Variants in OSMR observed in about 807,000 individuals in gnomAD.
The protein encoded by OSMR is oncostatin M receptor, also known as oncostatin-M-specific receptor subunit beta.
OSMR carries 81 observed loss-of-function variants against 99.9 expected under a neutral mutation model. The observed-to-expected ratio is 0.81, with a 90% CI of 0.68 to 0.97. The LOEUF (loss-of-function observed/expected upper bound fraction) is 0.97. OSMR is among the 50% of genes least tolerant of loss of function. The pLI is 0.00. For synonymous variants in OSMR, 406 were observed against 410.4 expected, an observed-to-expected ratio of 0.99 and a Z score of 0.13; for missense variants, 1,099 against 1,153.4, an observed-to-expected ratio of 0.95 and a Z score of 0.68.
At chr5:38,904,842 A>T (rs1165030762) in intron 9 of OSMR, among the ~76,000 whole-genome samples, 1 of 152,204 alleles carries the variant, frequency 6.6e-6, no homozygotes, top group Admixed American at 6.5e-5. Context: ...AGTGTTAATG[A>T]CAAGGAAAGC....
At chr5:38,861,484 A>G (rs534409142) in intron 1 of OSMR, among the ~76,000 whole-genome samples, 4 of 152,214 alleles carry the variant, frequency 2.6e-5, no homozygotes, top group Non-Finnish European at 5.9e-5. Context: ...TTTTCTTAGT[A>G]CAGAACAAAA....
intron 1 of OSMR, among the ~76,000 whole-genome samples, chr5:38,853,093 A>G (rs1740555995): frequency 6.6e-6 from 1 of 152,192 alleles, no homozygotes; most frequent in Non-Finnish European, 1.5e-5. Context: ...AGCTATCTTT[A>G]TCATTCTTCA....
intron 9 of OSMR, among the ~76,000 whole-genome samples, chr5:38,913,607 G>A (rs1037744254): frequency 1.3e-5 from 2 of 150,476 alleles, no homozygotes; most frequent in Non-Finnish European, 3.0e-5. Flanking sequence ...AGACATACAA[G>A]CAGCCAAAAA....
At chr5:38,869,972 C>T (rs902347523) in intron 2 of OSMR, among the ~76,000 whole-genome samples, 2 of 151,968 alleles carry the variant, frequency 1.3e-5, no homozygotes, top group Admixed American at 6.6e-5. Flanking sequence ...TGAAAATGAT[C>T]TTTGCGGGGA....
intron 1 of OSMR, among the ~76,000 whole-genome samples, chr5:38,847,197 A>G (rs774899277): frequency 9.9e-5 from 15 of 152,238 alleles, no homozygotes; most frequent in Non-Finnish European, 2.1e-4. Flanking sequence ...TTTATTCCCA[A>G]GATTAAAACT....
At chr5:38,875,798 T>C (rs535161084) in intron 2 of OSMR, among the ~76,000 whole-genome samples, 34 of 152,328 alleles carry the variant, frequency 2.2e-4, no homozygotes, top group African/African-American at 7.2e-4. Flanking sequence ...TTTACCAAAC[T>C]ATAAAATATT....
chr5:38,850,551 A>G lies in OSMR; in HGVS notation c.-14+4164A>G, dbSNP rs149260060. 6.3e-3 allele frequency among the ~76,000 whole-genome samples: 959 copies of G among 152,362 alleles called. 11 individuals are homozygous for G. Among genetic ancestry groups the G allele is most frequent in the African/African-American group, 0.022 (896 of 41,588 alleles). On this transcript the variant is annotated intron_variant, in intron 1 of 17. Coordinates refer to ENST00000274276, the MANE Select transcript of OSMR (RefSeq NM_003999.3). Reference sequence around the variant, plus strand: ...GTTGACTTAAGATGAAGACAGTCATATAAAATATATGCAGCCTGAATATGA... The same window carrying G: ...GTTGACTTAAGATGAAGACAGTCATGTAAAATATATGCAGCCTGAATATGA...
At chr5:38,917,726 C>T (rs538745754) in intron 10 of OSMR, 104 bp downstream of exon 10, 14 of 858,764 alleles carry the variant, frequency 1.6e-5, no homozygotes, top group Non-Finnish European at 2.5e-5. Context: ...AGTGTCCCAA[C>T]TGGGAGGGAT....
At chr5:38,910,846 T>TA (rs1217875178) in intron 9 of OSMR, among the ~76,000 whole-genome samples, 2 of 151,784 alleles carry the variant, frequency 1.3e-5, no homozygotes, top group African/African-American at 2.4e-5. Context: ...CCATCTCTAC[T>TA]AAAAAATACA....
chr5:38,923,874 C>T (rs1746349425), intron 13 of OSMR, among the ~76,000 whole-genome samples: 1 of 152,254 alleles, frequency 6.6e-6, no homozygotes, highest in South Asian at 2.1e-4. Flanking sequence ...TGTGCATAAG[C>T]GTGTGTGGGA....
At chr5:38,868,882 G>T in intron 1 of OSMR, 150 bp from the exon 2 acceptor site, 2 of 845,680 alleles carry the variant, frequency 2.4e-6, no homozygotes, top group Non-Finnish European at 3.6e-6. Context: ...ATTTTGGGGG[G>T]ACTCTAAAGT....
downstream of OSMR, chr5:38,938,488 T>G: frequency 4.3e-6 from 1 of 232,374 alleles, no homozygotes; most frequent in East Asian, 6.1e-5. Flanking sequence ...TGGCATAAAT[T>G]ATATTTTTGA....
chr5:38,867,347 C>A (rs1455477735), intron 1 of OSMR, among the ~76,000 whole-genome samples: 1 of 152,224 alleles, frequency 6.6e-6, no homozygotes, highest in Non-Finnish European at 1.5e-5. Flanking sequence ...GTTGTTCCCA[C>A]TTTTCTGTAA....
In OSMR at chr5:38,923,136, C is replaced by T. The variant is rs745427345; in HGVS notation, c.1766-14C>T. 6.2e-7 allele frequency: 1 copy of T among 1,611,910 alleles called. No homozygotes were observed. The highest frequency in any genetic ancestry group is 8.5e-7 in the Non-Finnish European group (1 of 1,178,294). ...CATTCTGTTATTAAAAATCTGTTGACTTTTTTTCCCTAGATGCTTTTAGGC... is the reference window on the plus strand; with the variant it reads ...CATTCTGTTATTAAAAATCTGTTGATTTTTTTTCCCTAGATGCTTTTAGGC... On this transcript the variant is annotated splice_polypyrimidine_tract_variant and intron_variant, in intron 12 of 17. Transcript: ENST00000274276.
chr5:38,883,575 G>A (rs1743468192), intron 4 of OSMR: 1 of 353,734 alleles, frequency 2.8e-6, no homozygotes, highest in South Asian at 1.1e-4. Context: ...AATTATCAGA[G>A]TGGTAATAGT....
At chr5:38,850,362 A>C (rs1449306542) in intron 1 of OSMR, among the ~76,000 whole-genome samples, 1 of 152,224 alleles carries the variant, frequency 6.6e-6, no homozygotes. Flanking sequence ...TTACATGCTA[A>C]AGAACTAAAT....
intron 7 of OSMR, among the ~76,000 whole-genome samples, chr5:38,890,994 T>C (rs1262662316): frequency 1.3e-5 from 2 of 152,308 alleles, no homozygotes; most frequent in East Asian, 3.9e-4. Flanking sequence ...ATCCTATAAA[T>C]CCTGTCAGGG....
chr5:38,907,940 G>A (rs1302333271), intron 9 of OSMR, among the ~76,000 whole-genome samples: 1 of 151,986 alleles, frequency 6.6e-6, no homozygotes, highest in Non-Finnish European at 1.5e-5. Flanking sequence ...GCCTCCCCTG[G>A]TGCTTCCATT....
downstream of OSMR, chr5:38,938,623 T>C (rs547409093): frequency 2.0e-4 from 47 of 232,782 alleles, no homozygotes; most frequent in African/African-American, 9.9e-4. Context: ...CTGTGAGTCA[T>C]ATAAACCTAC....
Sources: gnomAD v4.1 joint callset for allele counts (sites outside exome capture counted in the v4.1 genomes callset) on GRCh38, gnomAD v4.1.1 for gene constraint, MANE v1.5 for transcripts, NCBI Gene and HGNC (gene_info 2026-07-23, HGNC 2026-07-21) for gene names.